The following GSE1 variants were observed in gnomAD, a reference collection of about 807,000 sequenced individuals.
GSE1 encodes the protein genetic suppressor element 1.
In GSE1, 32 loss-of-function variants were observed where a neutral mutation model predicts 112.6. The ratio of observed to expected loss-of-function variants is 0.28; its 90% CI spans 0.21 to 0.38. The LOEUF (loss-of-function observed/expected upper bound fraction) is 0.38. GSE1 is among the 10% of genes least tolerant of loss of function. GSE1 has a pLI of 1.00. For missense variants in GSE1, 2,348 were observed against 1,699.2 expected (o/e 1.38, Z -6.71); for synonymous variants, 1,115 against 735.6 (o/e 1.52, Z -8.35).
chr16:85,367,600 G>T (rs749646340), intron 2 of GSE1, among the ~76,000 whole-genome samples: 1 of 152,224 alleles, frequency 6.6e-6, no homozygotes, highest in Non-Finnish European at 1.5e-5. Flanking sequence ...GTGGCATTTG[G>T]CAGAGAGTTC....
chr16:85,551,666 C>T (rs2151238494), upstream of GSE1, among the ~76,000 whole-genome samples: 1 of 152,302 alleles, frequency 6.6e-6, no homozygotes, highest in Middle Eastern at 3.4e-3. Context: ...ATATTTTCCT[C>T]CCTTACAAAG....
chr16:85,640,122 C>CGG (rs1392323154), intron 2 of GSE1, among the ~76,000 whole-genome samples: 6 of 152,222 alleles, frequency 3.9e-5, no homozygotes, highest in Non-Finnish European at 8.8e-5. Context: ...GAAGCCCCAC[C>CGG]TCACCCCAGC....
chr16:85,601,658 A>T (rs2047470960), intron 1 of GSE1, among the ~76,000 whole-genome samples: 1 of 152,210 alleles, frequency 6.6e-6, no homozygotes, highest in Non-Finnish European at 1.5e-5. Context: ...AACTTTGTCC[A>T]TCTAACCTTT....
intron 1 of GSE1, among the ~76,000 whole-genome samples, chr16:85,281,574 A>G (rs570464286): frequency 6.6e-6 from 1 of 152,296 alleles, no homozygotes; most frequent in African/African-American, 2.4e-5. Context: ...GTGACTTTCA[A>G]GGATTCCATT....
At chr16:85,200,871 C>T (rs1013058592) in intron 1 of GSE1, among the ~76,000 whole-genome samples, 4 of 152,204 alleles carry the variant, frequency 2.6e-5, no homozygotes, top group Non-Finnish European at 4.4e-5. Context: ...GAACTGTCCC[C>T]GGTAAACATG....
rs1567520813 is a variant in GSE1, at chr16:85,478,918, T to TC, written c.2464+121276dup. ...TTCTTTCTTTCTTTCTTTCTTTCTT[T>TC]CTTTCTTTCTCTTTCTTTCTTTCTT... On this transcript the variant is annotated intron_variant, in intron 2 of 2. Coordinates refer to the GSE1 transcript ENST00000637419. 4.1e-4 allele frequency among the ~76,000 whole-genome samples: 22 copies of TC among 53,648 alleles called. 1 individual carries two copies. Among genetic ancestry groups the TC allele is most frequent in the African/African-American group, 2.2e-3 (21 of 9,652 alleles). The allele number at this position is 53,648 out of a possible 152,430, so 35.2% of individuals were successfully genotyped here.
At chr16:85,233,577 GAT>G (rs1276142625) in intron 1 of GSE1, among the ~76,000 whole-genome samples, 1 of 152,302 alleles carries the variant, frequency 6.6e-6, no homozygotes, top group African/African-American at 2.4e-5. Context: ...TGCGGTGTGT[GAT>G]ATGTGTCCAC....
Position 85,675,066 on chromosome 16 carries a change from C to G in GSE1, c.*2527C>G, listed in dbSNP as rs2053609249. 1 of 152,352 alleles carries G rather than the reference C, an allele frequency of 6.6e-6. No individual in the cohort carries two copies. The highest frequency in any genetic ancestry group is 2.4e-5 in the African/African-American group (1 of 41,462). 9.4% of individuals were successfully genotyped at this position (152,352 alleles called of 1,614,324 possible). ...TCCCCATCCAACTATTAGTTTCATA[C>G]TTTGAAAACTTACTTTCAGATTATT... On this transcript the variant is annotated 3_prime_UTR_variant, in exon 16 of 16. Transcript: ENST00000253458.
chr16:85,393,212 T>C (rs748434751), intron 2 of GSE1, among the ~76,000 whole-genome samples: 2 of 152,184 alleles, frequency 1.3e-5, no homozygotes, highest in African/African-American at 2.4e-5. Context: ...AAGACTGCAA[T>C]GAACTGTGAT....
intron 2 of GSE1, among the ~76,000 whole-genome samples, chr16:85,441,460 GC>G (rs71386090): frequency 0.15 from 22,961 of 152,002 alleles, 1,846 homozygotes; most frequent in South Asian, 0.28. Context: ...TTTGAGACCA[GC>G]CTGACCAACA....
At chr16:85,381,975 AG>A (rs1389533720) in intron 2 of GSE1, among the ~76,000 whole-genome samples, 1 of 152,226 alleles carries the variant, frequency 6.6e-6, no homozygotes, top group Admixed American at 6.5e-5. Flanking sequence ...TCCCAGGCCC[AG>A]GAATAAATAA....
exon 1 of GSE1, chr16:85,170,602 C>T (rs1034905833): frequency 1.0e-6 from 1 of 985,510 alleles, no homozygotes; most frequent in Non-Finnish European, 1.2e-6. Context: ...CCAGGACAGC[C>T]GGGCGGCACC....
rs74031847 is a variant in GSE1, at chr16:85,575,569, C to T, written c.37+19206C>T. The stretch of plus-strand genomic sequence containing the variant: ...TTCACTTGGGCACTGCAAAAACACA[C>T]GGCTAATTGCGATTTCTTTTTCATG... On this transcript the variant is annotated intron_variant, in intron 1 of 2. Transcript: ENST00000635906. 1.5e-4 allele frequency among the ~76,000 whole-genome samples: 23 copies of T among 152,190 alleles called. No individual in the cohort carries two copies. The East Asian group carries it at 3.3e-3, about 22-fold the overall frequency.
intron 8 of GSE1, among the ~76,000 whole-genome samples, chr16:85,659,893 C>G (rs1024739296): frequency 2.0e-5 from 3 of 152,250 alleles, no homozygotes; most frequent in African/African-American, 7.2e-5. Context: ...CCACAGGCCA[C>G]TTGGGCAGTG....
At chr16:85,406,115 T>C (rs867214160) in intron 2 of GSE1, among the ~76,000 whole-genome samples, 3 of 78 alleles carry the variant, frequency 0.038, no homozygotes, top group African/African-American at 0.039. Context: ...CAGGGCCCCC[T>C]GGATAATCCT....
chr16:85,320,441 A>ATGTTTCGTTT (rs1555561564), intron 1 of GSE1, among the ~76,000 whole-genome samples: 3 of 149,040 alleles, frequency 2.0e-5, no homozygotes, highest in Non-Finnish European at 4.4e-5. Flanking sequence ...TACCCGGCTA[A>ATGTTTCGTTT]TGTTTTGTTT....
At chr16:85,654,642 C>T in intron 4 of GSE1, 152 bp from the exon 5 acceptor site, 1 of 711,120 alleles carries the variant, frequency 1.4e-6, no homozygotes, top group South Asian at 1.7e-5. Flanking sequence ...AGCTCGCTCC[C>T]CCCGCTGCTT....
At chr16:85,310,212 G>A (rs2045799241) in intron 1 of GSE1, among the ~76,000 whole-genome samples, 3 of 152,302 alleles carry the variant, frequency 2.0e-5, no homozygotes, top group East Asian at 1.9e-4. Context: ...CTGCCTGGGT[G>A]GCAGGAGAGG....
chr16:85,621,431 C>T (rs564436484), intron 1 of GSE1, among the ~76,000 whole-genome samples: 18 of 152,348 alleles, frequency 1.2e-4, no homozygotes, highest in African/African-American at 3.8e-4. Flanking sequence ...TAAATCAAGC[C>T]GATGTCCTGG....
Sources: allele counts gnomAD v4.1 joint callset (sites outside exome capture counted in the v4.1 genomes callset), GRCh38; gene constraint gnomAD v4.1.1; transcripts MANE v1.5; gene names NCBI Gene and HGNC (gene_info 2026-07-23, HGNC 2026-07-21).